WDPCP: variants seen among roughly 807,000 people sequenced by gnomAD.
The protein encoded by WDPCP is WD repeat-containing and planar cell polarity effector protein fritz homolog.
A neutral mutation model predicts 93.1 loss-of-function variants in WDPCP; 71 were observed. The observed-to-expected ratio is 0.76, with a 90% CI of 0.63 to 0.93. WDPCP has a LOEUF of 0.93. Ranked by LOEUF, WDPCP falls within the 40% of genes least tolerant of loss-of-function variation. The pLI, the probability that WDPCP is intolerant of heterozygous loss-of-function variation, is 0.00. For missense variants in WDPCP, 844 were observed against 887.4 expected (o/e 0.95, Z 0.62); for synonymous variants, 315 against 315.0 (o/e 1.00, Z 0.00).
chr2:63,655,359 C>T (rs1575739860), intron 2 of WDPCP, among the ~76,000 whole-genome samples: 1 of 151,990 alleles, frequency 6.6e-6, no homozygotes, highest in East Asian at 1.9e-4. Context: ...TCTTCTGCCA[C>T]AGAAATTCTA....
At chr2:63,526,158 A>T (rs1703325122) in intron 1 of WDPCP, among the ~76,000 whole-genome samples, 1 of 152,144 alleles carries the variant, frequency 6.6e-6, no homozygotes, top group African/African-American at 2.4e-5. Context: ...AAGCCATACC[A>T]GCCCTTCTAT....
In WDPCP at chr2:63,718,432, G is replaced by A. The variant is rs542059095; in HGVS notation, n.309-67594C>T. Among the ~76,000 whole-genome samples the A allele has an allele frequency of 9.9e-5, 15 of 152,012 alleles. No individual in the cohort carries two copies. In the South Asian group the frequency reaches 2.9e-3, roughly 29 times the overall value. On this transcript the variant is annotated intron_variant and non_coding_transcript_variant, in intron 2 of 4. Coordinates refer to the WDPCP transcript ENST00000467687. ...TTGCCAACATCTGTTGTTTTTTAAC[G>A]TTTTATTAATAGCCATTCTGACTGA...
At chr2:63,808,443 C>G (rs2104071869) in intron 2 of WDPCP, among the ~76,000 whole-genome samples, 1 of 151,882 alleles carries the variant, frequency 6.6e-6, no homozygotes, top group African/African-American at 2.4e-5. Flanking sequence ...GCCTCCCTGC[C>G]TGATTCTCCT....
intron 12 of WDPCP, among the ~76,000 whole-genome samples, chr2:63,318,934 A>G (rs1237092876): frequency 6.6e-6 from 1 of 152,210 alleles, no homozygotes; most frequent in Non-Finnish European, 1.5e-5. Flanking sequence ...AAAGTGCAAG[A>G]AAAAAAGAAT....
chr2:63,821,165 G>C (rs1028501510), intron 1 of WDPCP, among the ~76,000 whole-genome samples: 1 of 152,102 alleles, frequency 6.6e-6, no homozygotes, highest in African/African-American at 2.4e-5. Context: ...TTGACTATTT[G>C]TTTCCATGTC....
At chr2:63,646,227 A>G (rs1490201269) in intron 3 of WDPCP, among the ~76,000 whole-genome samples, 1 of 152,072 alleles carries the variant, frequency 6.6e-6, no homozygotes, top group African/African-American at 2.4e-5. Context: ...ATAATTTATT[A>G]TTTTAAGCTG....
intron 14 of WDPCP, among the ~76,000 whole-genome samples, chr2:63,234,092 T>C (rs535439222): frequency 6.6e-6 from 1 of 152,274 alleles, no homozygotes; most frequent in Admixed American, 6.5e-5. Context: ...AGATAATGTA[T>C]GAACAGTGTT....
chr2:63,534,049 G>C (rs1337588734), intron 1 of WDPCP, among the ~76,000 whole-genome samples: 1 of 151,924 alleles, frequency 6.6e-6, no homozygotes, highest in African/African-American at 2.4e-5. Context: ...ATCCCACAGA[G>C]ATACAAACTA....
chr2:63,497,684 G>T (rs1200633652), intron 1 of WDPCP, among the ~76,000 whole-genome samples: 1 of 152,198 alleles, frequency 6.6e-6, no homozygotes, highest in Non-Finnish European at 1.5e-5. Context: ...GTTTTTTAAA[G>T]AGCTCTAAAC....
In WDPCP at chr2:63,343,565, C is replaced by G. The variant is rs144069578; in HGVS notation, c.1749-30254G>C. Among the ~76,000 whole-genome samples, 29 of 152,260 alleles carry G rather than the reference C, an allele frequency of 1.9e-4. No individual in the cohort carries two copies. The East Asian group carries it at 5.4e-3, about 28-fold the overall frequency. ...TGCTTGAATTTTGTTGAGCTTCTTG[C>G]ATGTGCAGATGCATGTCTTCAATCA... On this transcript the variant is annotated intron_variant, in intron 12 of 17. Transcript: ENST00000272321.
chr2:63,202,529 G>C (rs147749593), intron 14 of WDPCP, among the ~76,000 whole-genome samples: 2 of 151,866 alleles, frequency 1.3e-5, no homozygotes, highest in African/African-American at 4.8e-5. Flanking sequence ...TTTTTTCCAC[G>C]TGATTTTTCT....
chr2:63,749,513 CGA>C (rs1251138288), intron 2 of WDPCP, among the ~76,000 whole-genome samples: 2 of 151,976 alleles, frequency 1.3e-5, no homozygotes, highest in African/African-American at 2.4e-5. Context: ...ATTCGATACA[CGA>C]GTTAATAAAT....
At chr2:63,572,883 A>G (rs1268303853) in intron 1 of WDPCP, among the ~76,000 whole-genome samples, 2 of 151,884 alleles carry the variant, frequency 1.3e-5, no homozygotes, top group Middle Eastern at 3.4e-3. Context: ...AATCTGATAT[A>G]CAAAGTTCTC....
intron 2 of WDPCP, among the ~76,000 whole-genome samples, chr2:63,711,848 G>C (rs1483524543): frequency 6.6e-6 from 1 of 152,174 alleles, no homozygotes; most frequent in Non-Finnish European, 1.5e-5. Flanking sequence ...GTACTTTCCT[G>C]ATGGGAGCTG....
intron 1 of WDPCP, among the ~76,000 whole-genome samples, chr2:63,817,047 G>A (rs1276487520): frequency 3.3e-5 from 5 of 152,050 alleles, no homozygotes; most frequent in African/African-American, 7.2e-5. Context: ...TGATTAGGAC[G>A]GTGGGGTTAC....
At chr2:63,130,224 C>A (rs2153398994) in intron 17 of WDPCP, among the ~76,000 whole-genome samples, 1 of 152,136 alleles carries the variant, frequency 6.6e-6, no homozygotes, top group East Asian at 1.9e-4. Context: ...TACGTTTTCT[C>A]CAAGAGAATT....
At chr2:63,416,666 G>A (rs550621611) in intron 9 of WDPCP, among the ~76,000 whole-genome samples, 2 of 152,110 alleles carry the variant, frequency 1.3e-5, no homozygotes, top group South Asian at 4.2e-4. Flanking sequence ...TGGGATTACA[G>A]GTCCCCGCCA....
chr2:63,188,348 T>G (rs1674790351), intron 14 of WDPCP, among the ~76,000 whole-genome samples: 1 of 152,158 alleles, frequency 6.6e-6, no homozygotes, highest in African/African-American at 2.4e-5. Context: ...TTCTGTTAAT[T>G]TATCTTCATT....
At chr2:63,640,780 T>C (rs1467836504) in intron 3 of WDPCP, among the ~76,000 whole-genome samples, 2 of 152,160 alleles carry the variant, frequency 1.3e-5, no homozygotes, top group Admixed American at 6.5e-5. Flanking sequence ...GAGTAGGGTA[T>C]CCATCCCCTC....
Sources: gnomAD v4.1 joint callset for allele counts (sites outside exome capture counted in the v4.1 genomes callset) on GRCh38, gnomAD v4.1.1 for gene constraint, MANE v1.5 for transcripts, NCBI Gene and HGNC (gene_info 2026-07-23, HGNC 2026-07-21) for gene names.